Variants in DNAH10 observed in about 807,000 individuals in gnomAD.
DNAH10 encodes the protein axonemal beta dynein heavy chain 10.
Under a neutral mutation model 506.6 loss-of-function variants are expected in DNAH10, and 348 were observed. The observed-to-expected ratio is 0.69, with a 90% CI of 0.63 to 0.75. The LOEUF is 0.75. Ranked by LOEUF, DNAH10 falls within the 30% of genes least tolerant of loss-of-function variation. The pLI, the probability that DNAH10 is intolerant of heterozygous loss-of-function variation, is 0.00. For missense variants in DNAH10, 5,179 were observed against 5,787.1 expected (o/e 0.89, Z 3.41); for synonymous variants, 2,059 against 2,198.6 (o/e 0.94, Z 1.78).
intron 24 of DNAH10, among the ~76,000 whole-genome samples, chr12:123,826,416 A>C (rs1959996892): frequency 6.6e-6 from 1 of 152,130 alleles, no homozygotes; most frequent in Non-Finnish European, 1.5e-5. Flanking sequence ...TATACCTCTC[A>C]CTTTTGTCTT....
At chr12:123,789,378 G>C (rs1442234927) in intron 10 of DNAH10, among the ~76,000 whole-genome samples, 2 of 150,082 alleles carry the variant, frequency 1.3e-5, no homozygotes, top group Non-Finnish European at 3.0e-5. Flanking sequence ...TCACCTCTTT[G>C]TGTGTGTGTG....
rs201016235 is a variant in DNAH10, at chr12:123,845,984, C to G, written c.5644C>G (p.Arg1882Gly). ...CTTGCCGTCCAGTATCCTGGAGGCC[C>G]GAGAGTTTGACTGGGAAAGTCAGTT... ...SFIRGSILEA[R>G]EFDWESQLRF... is the part of the protein sequence containing the mutation. Residue 1882 changes from arginine to glycine, a missense_variant, in exon 32 of 79, where the codon CGA (arginine) becomes GGA (glycine). By Grantham distance (125) the Arg-to-Gly change is moderately radical. This residue lies in a region of DNAH10 where 4,844 missense variants were observed against 5,430.5 expected (regional missense o/e 0.89). Coordinates refer to ENST00000673944, the MANE Select transcript of DNAH10 (RefSeq NM_001372106.1). The G allele has an allele frequency of 1.2e-6, 2 of 1,613,858 alleles. No individual in the cohort carries two copies. Among genetic ancestry groups the G allele is most frequent in the Middle Eastern group, 1.6e-4 (1 of 6,062 alleles).
intron 51 of DNAH10, among the ~76,000 whole-genome samples, chr12:123,886,067 A>G (rs1023578827): frequency 6.6e-6 from 1 of 152,272 alleles, no homozygotes; most frequent in African/African-American, 2.4e-5. Context: ...GATGAAATAC[A>G]TAATTGAAAT....
chr12:123,878,258 G>A (rs191698679), intron 48 of DNAH10, among the ~76,000 whole-genome samples: 2 of 152,324 alleles, frequency 1.3e-5, no homozygotes, highest in East Asian at 3.9e-4. Flanking sequence ...GTTATAGGAT[G>A]TGTGTCTTTA....
chr12:123,775,302 T>C (rs989861432), intron 5 of DNAH10, among the ~76,000 whole-genome samples: 13 of 151,976 alleles, frequency 8.6e-5, no homozygotes, highest in African/African-American at 2.9e-4. Context: ...AGAGACAGGG[T>C]CTCACCATGT....
chr12:123,921,691 G>GTTTTTTTTTTTTTTTTTTTTTT (rs35553163), intron 65 of DNAH10, among the ~76,000 whole-genome samples: 2 of 62,836 alleles, frequency 3.2e-5, no homozygotes, highest in Non-Finnish European at 2.8e-5. Context: ...GTAGCTTGCA[G>GTTTTTTTTTTTTTTTTTTTTTT]TTTTTTTTTT....
In DNAH10 at chr12:123,846,245, A is replaced by G. The variant is rs1950947089; in HGVS notation, c.5814+91A>G. The G allele has an allele frequency of 1.4e-6, 2 of 1,396,600 alleles. No individual in the cohort carries two copies. The highest frequency in any genetic ancestry group is 2.4e-5 in the East Asian group (1 of 42,064). The allele number at this position is 1,396,600 out of a possible 1,614,324, so 86.5% of individuals were successfully genotyped here. On this transcript the variant is annotated intron_variant, in intron 32 of 78. Transcript: ENST00000673944. The surrounding 1 kb of genome is among the most constrained non-coding windows in gnomAD (Gnocchi z 4.5). Reference sequence around the variant, plus strand: ...AGGTGTGATGACTGCAGTGATTGAAATAGCAGGGGAGATCATTGCTTTGAA... The same window carrying G: ...AGGTGTGATGACTGCAGTGATTGAAGTAGCAGGGGAGATCATTGCTTTGAA...
intron 15 of DNAH10, 58 bp downstream of exon 15, chr12:123,800,446 C>G: frequency 6.6e-7 from 1 of 1,508,362 alleles, no homozygotes; most frequent in Non-Finnish European, 9.0e-7. Context: ...GACCCCTTTA[C>G]GCTCTTAAAA....
At position 123,875,348 on chromosome 12, in the gene DNAH10, A is replaced by C; in HGVS notation, c.8056A>C (p.Ile2686Leu). 1 of 1,614,026 alleles carries C rather than the reference A, an allele frequency of 6.2e-7. No individual in the cohort carries two copies. The highest frequency in any genetic ancestry group is 8.5e-7 in the Non-Finnish European group (1 of 1,179,900). Residue 2686 changes from isoleucine to leucine, a missense_variant, in exon 47 of 79, where the codon ATT becomes CTT. Coordinates refer to ENST00000673944, the MANE Select transcript of DNAH10 (RefSeq NM_001372106.1). ...TAAAAGCATTCGAGACCTTGGCTTT[A>C]TTGCTGCAATGGGAAAGGCTGGAGG... ...NCKSIRDLGF[I>L]AAMGKAGGGR...
chr12:123,832,123 T>C (rs1960621665), intron 26 of DNAH10, among the ~76,000 whole-genome samples: 2 of 151,994 alleles, frequency 1.3e-5, no homozygotes. Flanking sequence ...ACCTAACATA[T>C]ACACATAATG....
intron 29 of DNAH10, among the ~76,000 whole-genome samples, chr12:123,839,358 G>C (rs994649344): frequency 6.6e-6 from 1 of 152,180 alleles, no homozygotes; most frequent in African/African-American, 2.4e-5. Context: ...CTGAGTTTCT[G>C]TGTGATCTTC....
Position 123,928,467 on chromosome 12 carries a change from G to A in DNAH10, c.12186G>A (p.Trp4062Ter). ...MLQNCHLLVK[W>*]LKDLEKSLER... ...AGAACTGCCACCTCCTGGTCAAGTG[G>A]CTGAAAGATCTGGAGAAGTCCCTGG... The change falls in exon 70 of 79, where the codon TGG (tryptophan) becomes TGA (stop). Residue 4062 changes from tryptophan to a stop codon, truncating the protein, a stop_gained. Transcript: ENST00000673944. LOFTEE classifies it high-confidence loss of function. This position sits in a 1 kb window ranked among gnomAD's most constrained non-coding sequence, Gnocchi z 4.9. 6.2e-7 allele frequency: 1 copy of A among 1,610,412 alleles called. No individual in the cohort carries two copies. Among genetic ancestry groups the A allele is most frequent in the Non-Finnish European group, 8.5e-7 (1 of 1,178,584 alleles).
intron 62 of DNAH10, 59 bp downstream of exon 62, chr12:123,915,058 C>G (rs1042839891): frequency 6.6e-7 from 1 of 1,522,136 alleles, no homozygotes; most frequent in Non-Finnish European, 8.8e-7. Flanking sequence ...TGGAGAATGC[C>G]CCTCCCGCCT....
chr12:123,912,929 C>T (rs1428030296), intron 59 of DNAH10, among the ~76,000 whole-genome samples, 169 bp from the exon 60 acceptor site: 3 of 152,158 alleles, frequency 2.0e-5, no homozygotes, highest in Non-Finnish European at 4.4e-5. Flanking sequence ...TTGCAGCAAA[C>T]AGTCGAAGAA....
intron 13 of DNAH10, among the ~76,000 whole-genome samples, 200 bp downstream of exon 13, chr12:123,797,032 G>A (rs1002266259): frequency 1.3e-5 from 2 of 152,098 alleles, no homozygotes; most frequent in African/African-American, 2.4e-5. Context: ...CACCACGTCC[G>A]GCTAATTTTT....
At chr12:123,862,578 A>G (rs923103412) in intron 39 of DNAH10, among the ~76,000 whole-genome samples, 1 of 151,648 alleles carries the variant, frequency 6.6e-6, no homozygotes, top group African/African-American at 2.4e-5. Context: ...TTTTGTAGAG[A>G]CAGAGTCTCC....
At position 123,919,563 on chromosome 12, in the gene DNAH10, G is replaced by T. The variant is rs751299494; in HGVS notation, c.11506+614G>T. Among the ~76,000 whole-genome samples, 1 of 152,018 alleles carries T rather than the reference G, an allele frequency of 6.6e-6. No homozygotes were observed. The highest frequency in any genetic ancestry group is 1.5e-5 in the Non-Finnish European group (1 of 68,016). On this transcript the variant is annotated intron_variant, in intron 65 of 78. Transcript: ENST00000673944. This position sits in a 1 kb window ranked among gnomAD's most constrained non-coding sequence, Gnocchi z 4.9. ...GCAGCTATCACTACTCTCTGGCTCC[G>T]GAACGTTTCCACCAGCCCCGAAATG...
intron 44 of DNAH10, among the ~76,000 whole-genome samples, chr12:123,871,050 C>T (rs1239012221): frequency 6.6e-6 from 1 of 152,144 alleles, no homozygotes; most frequent in Non-Finnish European, 1.5e-5. Flanking sequence ...TCTCGGGAGC[C>T]CATCAGGGTT....
intron 11 of DNAH10, among the ~76,000 whole-genome samples, chr12:123,793,655 T>G (rs1958171051): frequency 6.6e-6 from 1 of 152,164 alleles, no homozygotes; most frequent in African/African-American, 2.4e-5. Context: ...CATTACTTTC[T>G]TACTAAAAAT....
Sources: gnomAD v4.1 joint callset for allele counts (sites outside exome capture counted in the v4.1 genomes callset) on GRCh38, gnomAD v4.1.1 for gene constraint, gnomAD v4.1.1 regional missense constraint, Gnocchi (gnomAD v3.1) non-coding constraint, MANE v1.5 for transcripts, NCBI Gene and HGNC (gene_info 2026-07-23, HGNC 2026-07-21) for gene names.